Variants in ATXN1 observed in about 807,000 individuals in gnomAD.
The protein encoded by ATXN1 is ataxin-1.
Under a neutral mutation model 56.4 loss-of-function variants are expected in ATXN1, and 8 were observed. The observed-to-expected ratio is 0.14, with a 90% CI of 0.08 to 0.26. The LOEUF is 0.26. Ranked by LOEUF, ATXN1 falls within the 10% of genes least tolerant of loss-of-function variation. The probability of loss-of-function intolerance (pLI) is 1.00; values close to 1 mark genes in which losing one functional copy is unlikely to be tolerated. For synonymous variants in ATXN1, 514 were observed against 494.6 expected (o/e 1.04, Z -0.52); for missense variants, 987 against 1,106.5 (o/e 0.89, Z 1.53).
intron 6 of ATXN1, among the ~76,000 whole-genome samples, chr6:16,330,450 C>CGTGA: frequency 7.5e-6 from 1 of 133,812 alleles, no homozygotes; most frequent in African/African-American, 2.9e-5. Flanking sequence ...AGTGCAGTGG[C>CGTGA]GTGATCTCGG....
intron 3 of ATXN1, among the ~76,000 whole-genome samples, chr6:16,606,909 G>A (rs1263665915): frequency 6.8e-5 from 10 of 148,102 alleles, no homozygotes; most frequent in South Asian, 2.1e-4. Flanking sequence ...TTTTTGAGAC[G>A]GACTTTTGCT....
chr6:16,444,240 C>A (rs186018251), intron 6 of ATXN1, among the ~76,000 whole-genome samples: 16 of 152,294 alleles, frequency 1.1e-4, no homozygotes, highest in Non-Finnish European at 1.9e-4. Context: ...GAACAGTTCC[C>A]CTGGGGCCCA....
chr6:16,621,070 A>G (rs1763311207), intron 3 of ATXN1, among the ~76,000 whole-genome samples: 1 of 152,262 alleles, frequency 6.6e-6, no homozygotes, highest in African/African-American at 2.4e-5. Flanking sequence ...TTCCCTGTTC[A>G]TGTTATTTCA....
Position 16,638,421 on chromosome 6 carries a change from G to A in ATXN1, c.-489+19355C>T, listed in dbSNP as rs531613733. 6.1e-5 allele frequency among the ~76,000 whole-genome samples: 9 copies of A among 147,098 alleles called. No homozygotes were observed. The East Asian group carries it at 1.6e-3, about 26-fold the overall frequency. Reference sequence around the variant, plus strand: ...AGATCACAACACTGCAATCCAGCCTGGATGACAGAGCTAGACGCTGCCTCA... The same window carrying A: ...AGATCACAACACTGCAATCCAGCCTAGATGACAGAGCTAGACGCTGCCTCA... On this transcript the variant is annotated intron_variant, in intron 3 of 7. Transcript: ENST00000436367.
intron 3 of ATXN1, among the ~76,000 whole-genome samples, chr6:16,655,811 C>T (rs1758186583): frequency 6.6e-6 from 1 of 151,642 alleles, no homozygotes; most frequent in Non-Finnish European, 1.5e-5. Context: ...TACTGCGGGC[C>T]GGGTGCAGTG....
intron 4 of ATXN1, among the ~76,000 whole-genome samples, chr6:16,525,935 G>A (rs1226178286): frequency 1.3e-5 from 2 of 151,094 alleles, no homozygotes; most frequent in Non-Finnish European, 2.9e-5. Flanking sequence ...CAAATCCACA[G>A]AAGTCCCACT....
intron 6 of ATXN1, among the ~76,000 whole-genome samples, chr6:16,482,283 A>G (rs1399737979): frequency 6.6e-6 from 1 of 152,234 alleles, no homozygotes; most frequent in Non-Finnish European, 1.5e-5. Flanking sequence ...GCAGTATTTT[A>G]GGTACTATTC....
intron 6 of ATXN1, among the ~76,000 whole-genome samples, chr6:16,411,125 CAAAAA>C (rs746717153): frequency 7.4e-5 from 6 of 80,698 alleles, no homozygotes; most frequent in African/African-American, 1.4e-4. Context: ...ACCTCTGTGT[CAAAAA>C]AAAAAAAAAA....
At chr6:16,642,028 T>C (rs1477892528) in intron 3 of ATXN1, among the ~76,000 whole-genome samples, 1 of 141,268 alleles carries the variant, frequency 7.1e-6, no homozygotes, top group African/African-American at 3.2e-5. Context: ...TGTGACTGAA[T>C]TGATTGCTGC....
chr6:16,407,742 G>A (rs1221253908), intron 6 of ATXN1, among the ~76,000 whole-genome samples: 1 of 152,150 alleles, frequency 6.6e-6, no homozygotes, highest in African/African-American at 2.4e-5. Flanking sequence ...CTGAGCTGCA[G>A]ACACACGGTT....
At chr6:16,421,456 G>C (rs552632266) in intron 6 of ATXN1, among the ~76,000 whole-genome samples, 7 of 152,290 alleles carry the variant, frequency 4.6e-5, no homozygotes, top group African/African-American at 1.7e-4. Context: ...CTGAGATTAG[G>C]AGACAGAAAG....
Position 16,326,675 on chromosome 6 carries a change from C to T in ATXN1, c.1636G>A (p.Ala546Thr). 1 of 1,613,288 alleles carries T rather than the reference C, an allele frequency of 6.2e-7. No homozygotes were observed. The change falls in exon 7 of 8, where the codon GCC (alanine) becomes ACC (threonine). Residue 546 changes from alanine (A) to threonine (T), a missense_variant. By Grantham distance (58) the Ala-to-Thr change is moderately conservative. Around this residue, in one of 3 missense-constraint regions of ATXN1, gnomAD observed 723 missense variants for 791.7 expected, o/e 0.91. Transcript: ENST00000436367. This position sits in a 1 kb window ranked among gnomAD's most constrained non-coding sequence, Gnocchi z 6.6. ...AGGTGGATCTGGGCCTGCACCATGG[C>T]TGGGTAGGCGGCCTGGGTGACCAGG... Reference protein sequence around the residue: ...EALVTQAAYPAMVQAQIHLPV... With the variant: ...EALVTQAAYPTMVQAQIHLPV...
intron 7 of ATXN1, among the ~76,000 whole-genome samples, chr6:16,317,416 C>T (rs969954507): frequency 2.0e-5 from 3 of 151,990 alleles, no homozygotes; most frequent in African/African-American, 7.3e-5. Flanking sequence ...CCTCTGCCTC[C>T]CAGGTTCAAG....
chr6:16,494,460 T>C (rs1760733265), intron 5 of ATXN1, among the ~76,000 whole-genome samples: 1 of 152,224 alleles, frequency 6.6e-6, no homozygotes, highest in Admixed American at 6.5e-5. Context: ...ATAAATATGC[T>C]GGAAAAATGT....
chr6:16,622,366 A>G (rs1763333697), intron 3 of ATXN1, among the ~76,000 whole-genome samples: 1 of 152,026 alleles, frequency 6.6e-6, no homozygotes, highest in South Asian at 2.1e-4. Context: ...GATGATGACC[A>G]TGGTGGTGGT....
chr6:16,563,175 G>T (rs904368177), intron 4 of ATXN1, among the ~76,000 whole-genome samples: 2 of 152,136 alleles, frequency 1.3e-5, no homozygotes. Context: ...ATGAATAAAT[G>T]GTCCTCTACC....
At chr6:16,580,745 A>C (rs1301304872) in intron 4 of ATXN1, among the ~76,000 whole-genome samples, 1 of 152,216 alleles carries the variant, frequency 6.6e-6, no homozygotes, top group Non-Finnish European at 1.5e-5. Context: ...AAATAGTTTA[A>C]AAGCTACGCC....
chr6:16,702,988 C>T (rs1040424319), intron 2 of ATXN1, among the ~76,000 whole-genome samples: 2 of 151,954 alleles, frequency 1.3e-5, no homozygotes, highest in African/African-American at 4.8e-5. Context: ...TGGGTATATA[C>T]CAAAAGGAGT....
intron 2 of ATXN1, among the ~76,000 whole-genome samples, chr6:16,734,651 G>C (rs1760071363): frequency 6.6e-6 from 1 of 152,108 alleles, no homozygotes; most frequent in Non-Finnish European, 1.5e-5. Context: ...GGGACCACAG[G>C]CGTGTGCTAA....
Sources: allele counts gnomAD v4.1 joint callset (sites outside exome capture counted in the v4.1 genomes callset), GRCh38; gene constraint gnomAD v4.1.1; regional missense constraint gnomAD v4.1.1; non-coding constraint Gnocchi (gnomAD v3.1); transcripts MANE v1.5; gene names NCBI Gene and HGNC (gene_info 2026-07-23, HGNC 2026-07-21).